The following PAK1 variants were observed in gnomAD, a reference collection of about 807,000 sequenced individuals.
PAK1 encodes the protein p21 (RAC1) activated kinase 1.
PAK1 carries 29 observed loss-of-function variants against 67.4 expected under a neutral mutation model. The observed-to-expected ratio is 0.43, with a 90% CI of 0.32 to 0.59. The LOEUF is 0.59. Ranked by LOEUF, PAK1 falls within the 20% of genes least tolerant of loss-of-function variation. The pLI, the probability that PAK1 is intolerant of heterozygous loss-of-function variation, is 0.07. For synonymous variants in PAK1, 223 were observed against 237.4 expected (o/e 0.94, Z 0.56); for missense variants, 337 against 670.7 (o/e 0.50, Z 5.50).
chr11:77,468,923 T>G (rs1264063833), intron 1 of PAK1, among the ~76,000 whole-genome samples: 1 of 152,124 alleles, frequency 6.6e-6, no homozygotes, highest in Non-Finnish European at 1.5e-5. Context: ...ACTCGTAAAA[T>G]GGGAATACCT....
intron 9 of PAK1, among the ~76,000 whole-genome samples, chr11:77,348,922 G>A (rs559611723): frequency 1.1e-4 from 16 of 152,158 alleles, no homozygotes; most frequent in South Asian, 2.1e-4. Flanking sequence ...TCAGGAGTTC[G>A]AGAGCAGCCT....
upstream of PAK1, among the ~76,000 whole-genome samples, chr11:77,477,253 C>T (rs1958069461): frequency 6.6e-6 from 1 of 152,044 alleles, no homozygotes; most frequent in South Asian, 2.1e-4. Flanking sequence ...CAACTTTAGG[C>T]AAAACAATGT....
chr11:77,453,494 A>G (rs1392873082), intron 1 of PAK1, among the ~76,000 whole-genome samples: 1 of 151,114 alleles, frequency 6.6e-6, no homozygotes, highest in Non-Finnish European at 1.5e-5. Flanking sequence ...AGTATTCTAT[A>G]TTTAGAAAAT....
At chr11:77,329,571 C>A (rs1019878262) in intron 14 of PAK1, among the ~76,000 whole-genome samples, 1 of 152,068 alleles carries the variant, frequency 6.6e-6, no homozygotes, top group Non-Finnish European at 1.5e-5. Flanking sequence ...AGGCCTTTGA[C>A]AAAATTCAAC....
chr11:77,418,614 T>C (rs1955096911), intron 1 of PAK1, among the ~76,000 whole-genome samples: 1 of 152,228 alleles, frequency 6.6e-6, no homozygotes, highest in South Asian at 2.1e-4. Context: ...ATGCAGAACT[T>C]CATTGTCTTC....
chr11:77,504,258 C>T, the PAK1 span, among the ~76,000 whole-genome samples: 12 of 150,770 alleles, frequency 8.0e-5, no homozygotes, highest in African/African-American at 2.7e-4. Flanking sequence ...AGCACATTTC[C>T]ATGAAAAATA....
At chr11:77,464,529 T>C (rs1395381211) in intron 1 of PAK1, among the ~76,000 whole-genome samples, 1 of 152,182 alleles carries the variant, frequency 6.6e-6, no homozygotes, top group Non-Finnish European at 1.5e-5. Flanking sequence ...TAGTACTAAG[T>C]ACAATGCTTG....
intron 1 of PAK1, among the ~76,000 whole-genome samples, chr11:77,400,679 C>T (rs1484279574): frequency 1.3e-5 from 2 of 152,180 alleles, no homozygotes; most frequent in Non-Finnish European, 2.9e-5. Flanking sequence ...AGAAAACCTT[C>T]AGGATTAACC....
At chr11:77,500,531 G>A in the PAK1 span, among the ~76,000 whole-genome samples, 1 of 152,036 alleles carries the variant, frequency 6.6e-6, no homozygotes, top group African/African-American at 2.4e-5. Flanking sequence ...ACGTCTTGTG[G>A]AAATCCAAAG....
the PAK1 span, among the ~76,000 whole-genome samples, chr11:77,525,395 T>C: frequency 2.3e-4 from 35 of 152,064 alleles, no homozygotes; most frequent in Admixed American, 6.6e-4. Flanking sequence ...GATCAGGACA[T>C]TTATTAACTT....
At chr11:77,465,168 A>G (rs1367039377) in intron 1 of PAK1, among the ~76,000 whole-genome samples, 3 of 152,170 alleles carry the variant, frequency 2.0e-5, no homozygotes, top group African/African-American at 7.2e-5. Flanking sequence ...GGGAACTATA[A>G]ATATATTTTA....
chr11:77,445,170 A>G (rs1956542109), intron 1 of PAK1, among the ~76,000 whole-genome samples: 1 of 152,174 alleles, frequency 6.6e-6, no homozygotes, highest in Non-Finnish European at 1.5e-5. Flanking sequence ...ATTAGGTGAA[A>G]GGACAAAGGG....
chr11:77,491,226 T>C, the PAK1 span, among the ~76,000 whole-genome samples: 2 of 147,580 alleles, frequency 1.4e-5, no homozygotes, highest in Admixed American at 1.3e-4. Context: ...AACTCAATGG[T>C]AACAGTAAGT....
At chr11:77,445,888 A>T (rs1956575564) in intron 1 of PAK1, among the ~76,000 whole-genome samples, 1 of 152,130 alleles carries the variant, frequency 6.6e-6, no homozygotes, top group Admixed American at 6.5e-5. Context: ...TTAGTTATTG[A>T]TTTACAGGGC....
the PAK1 span, among the ~76,000 whole-genome samples, chr11:77,497,806 G>T: frequency 3.3e-5 from 5 of 152,206 alleles, no homozygotes; most frequent in Admixed American, 2.6e-4. Flanking sequence ...CTGACTTTGA[G>T]ATATAGTGCT....
chr11:77,407,528 A>C (rs2137905319), intron 1 of PAK1, among the ~76,000 whole-genome samples: 1 of 152,322 alleles, frequency 6.6e-6, no homozygotes, highest in Non-Finnish European at 1.5e-5. Flanking sequence ...GCAATTTTTC[A>C]CGGCTTGAAA....
rs879451105 is a variant in PAK1, at chr11:77,352,955, AT to A, written c.836+580del. ...TTGTTAGGCAACATATGACTATACAATTGTTTGCCTATCTTTTTCTGTTGAC... is the reference window on the plus strand; with the variant it reads ...TTGTTAGGCAACATATGACTATACAATGTTTGCCTATCTTTTTCTGTTGAC... On this transcript the variant is annotated intron_variant, in intron 8 of 14. Transcript: ENST00000356341. 7.0e-4 allele frequency among the ~76,000 whole-genome samples: 106 copies of A among 152,316 alleles called. 1 individual carries two copies. Among genetic ancestry groups the A allele is most frequent in the Non-Finnish European group, 9.3e-4 (63 of 68,020 alleles).
the PAK1 span, among the ~76,000 whole-genome samples, chr11:77,482,574 T>C: frequency 0.026 from 3,985 of 150,848 alleles, 191 homozygotes; most frequent in African/African-American, 0.093. Context: ...AAAATGATTT[T>C]ATTTTTCCCT....
At chr11:77,491,558 G>C in the PAK1 span, among the ~76,000 whole-genome samples, 1 of 151,992 alleles carries the variant, frequency 6.6e-6, no homozygotes, top group Non-Finnish European at 1.5e-5. Flanking sequence ...AAAAAATAAA[G>C]TGTAGAGTTT....
Sources: allele counts gnomAD v4.1 joint callset (sites outside exome capture counted in the v4.1 genomes callset), GRCh38; gene constraint gnomAD v4.1.1; transcripts MANE v1.5; gene names NCBI Gene and HGNC (gene_info 2026-07-23, HGNC 2026-07-21).